The following SCN8A variants were observed in gnomAD, a reference collection of about 807,000 sequenced individuals.
SCN8A encodes sodium channel protein type 8 subunit alpha.
A neutral mutation model predicts 184.1 loss-of-function variants in SCN8A; 30 were observed. The observed-to-expected ratio is 0.16, with a 90% CI of 0.12 to 0.22. SCN8A has a LOEUF of 0.22. SCN8A is among the 10% of genes least tolerant of loss of function. The pLI, the probability that SCN8A is intolerant of heterozygous loss-of-function variation, is 1.00. For missense variants in SCN8A, 1,057 were observed against 2,498.9 expected (o/e 0.42, Z 12.30); for synonymous variants, 852 against 907.0 (o/e 0.94, Z 1.09).
intron 7 of SCN8A, among the ~76,000 whole-genome samples, chr12:51,700,020 G>T (rs1387100552): frequency 6.6e-6 from 1 of 152,050 alleles, no homozygotes; most frequent in Non-Finnish European, 1.5e-5. Context: ...TACAAAATTA[G>T]CCAGGCGTGG....
chr12:51,620,096 ACC>A (rs1202101312), intron 1 of SCN8A, among the ~76,000 whole-genome samples: 1 of 152,300 alleles, frequency 6.6e-6, no homozygotes, highest in East Asian at 1.9e-4. Flanking sequence ...TATTATGGAG[ACC>A]AAAGAGTTGT....
intron 1 of SCN8A, among the ~76,000 whole-genome samples, chr12:51,635,361 T>A (rs1940292110): frequency 6.6e-6 from 1 of 152,222 alleles, no homozygotes. Flanking sequence ...CTATCTCTGC[T>A]GGAGTTTAAG....
chr12:51,812,212 GGT>G lies in SCN8A; in HGVS notation c.*4801_*4802del, dbSNP rs371717199. 1.4e-4 allele frequency: 21 copies of G among 150,698 alleles called. No homozygotes were observed. Among genetic ancestry groups the G allele is most frequent in the East Asian group, 5.8e-4 (3 of 5,132 alleles). 9.3% of individuals were successfully genotyped at this position (150,698 alleles called of 1,614,324 possible). A position where few individuals can be genotyped will look rare whatever the true frequency, so the allele number is the denominator to read the frequency against. On this transcript the variant is annotated 3_prime_UTR_variant, in exon 27 of 27. Transcript: ENST00000627620. Reference sequence around the variant, plus strand: ...GTGGGGTGGGTGGGTGTGCACATGTGGTGTGTGTGTGTGTGTGTGAAGAATGT... The same window carrying G: ...GTGGGGTGGGTGGGTGTGCACATGTGGTGTGTGTGTGTGTGTGAAGAATGT...
intron 1 of SCN8A, among the ~76,000 whole-genome samples, chr12:51,599,935 C>A (rs1236618013): frequency 2.6e-5 from 4 of 152,176 alleles, no homozygotes; most frequent in Admixed American, 6.5e-5. Flanking sequence ...GATTATTTTA[C>A]TGTTTTAAAG....
Position 51,810,992 on chromosome 12 carries a change from T to C in SCN8A, c.*3563T>C, listed in dbSNP as rs1397663997. 1 of 152,216 alleles carries C rather than the reference T, an allele frequency of 6.6e-6. No homozygotes were observed. Among genetic ancestry groups the C allele is most frequent in the Non-Finnish European group, 1.5e-5 (1 of 68,038 alleles). 9.4% of individuals were successfully genotyped at this position (152,216 alleles called of 1,614,324 possible). ...GTAAAAGACCAACAGTGAAGATTAGTGTATTAGTGAATGCATGGAGGCCAA... is the reference window on the plus strand; with the variant it reads ...GTAAAAGACCAACAGTGAAGATTAGCGTATTAGTGAATGCATGGAGGCCAA... On this transcript the variant is annotated 3_prime_UTR_variant, in exon 27 of 27. Transcript: ENST00000627620.
chr12:51,781,939 C>G (rs1937936416), intron 21 of SCN8A, among the ~76,000 whole-genome samples: 1 of 152,200 alleles, frequency 6.6e-6, no homozygotes, highest in South Asian at 2.1e-4. Context: ...GACAGTGCTG[C>G]TACGTTCATT....
chr12:51,594,394 A>G (rs1013095014), intron 1 of SCN8A, among the ~76,000 whole-genome samples: 2 of 152,224 alleles, frequency 1.3e-5, no homozygotes, highest in African/African-American at 4.8e-5. Context: ...AGAACATACA[A>G]GAAACTTGCA....
At chr12:51,618,458 AACACAC>A (rs56163627) in intron 1 of SCN8A, among the ~76,000 whole-genome samples, 5,952 of 138,850 alleles carry the variant, frequency 0.043, 224 homozygotes, top group East Asian at 0.15. Flanking sequence ...ATACCAGAGC[AACACAC>A]ACACACACAC....
chr12:51,666,353 C>T (rs534702304), intron 2 of SCN8A, among the ~76,000 whole-genome samples: 8 of 152,204 alleles, frequency 5.3e-5, no homozygotes, highest in East Asian at 1.9e-4. Flanking sequence ...TTTTTGCACC[C>T]GCTGTTATAC....
chr12:51,643,205 A>T lies in SCN8A; in HGVS notation c.-54-19559A>T, dbSNP rs1399190336. ...CTTCTTTGGAGTAGGAAAGAACTTG[A>T]TCTTAGTCATTGTCAAAGATGTCAT... On this transcript the variant is annotated intron_variant, in intron 1 of 26. Coordinates refer to ENST00000627620, the MANE Select transcript of SCN8A (RefSeq NM_001330260.2). Among the ~76,000 whole-genome samples, 4 of 152,256 alleles carry T rather than the reference A, an allele frequency of 2.6e-5. No homozygotes were observed. The South Asian group carries it at 8.3e-4, about 32-fold the overall frequency.
At chr12:51,608,081 C>T (rs1184693418) in intron 1 of SCN8A, among the ~76,000 whole-genome samples, 12 of 145,334 alleles carry the variant, frequency 8.3e-5, no homozygotes, top group Non-Finnish European at 1.2e-4. Context: ...AGTGCAGTGG[C>T]GTGATCTCGG....
chr12:51,739,389 C>T (rs866822361), intron 12 of SCN8A, among the ~76,000 whole-genome samples: 11 of 151,906 alleles, frequency 7.2e-5, no homozygotes, highest in African/African-American at 2.4e-4. Flanking sequence ...CAATGTCCTC[C>T]GGAAAAGAAA....
At chr12:51,783,674 T>C (rs1253763223) in intron 21 of SCN8A, among the ~76,000 whole-genome samples, 1 of 152,242 alleles carries the variant, frequency 6.6e-6, no homozygotes, top group Non-Finnish European at 1.5e-5. Context: ...ATAATATTAG[T>C]GCCATGAAAC....
At chr12:51,614,799 T>TTTTTTTTTTTTTTA (rs398019573) in intron 1 of SCN8A, among the ~76,000 whole-genome samples, 1 of 151,492 alleles carries the variant, frequency 6.6e-6, no homozygotes, top group African/African-American at 2.4e-5. Context: ...TTTTTTTTTT[T>TTTTTTTTTTTTTTA]AAATCCATTC....
chr12:51,646,673 T>C (rs1398698181), intron 1 of SCN8A, among the ~76,000 whole-genome samples: 1 of 152,106 alleles, frequency 6.6e-6, no homozygotes, highest in Non-Finnish European at 1.5e-5. Context: ...TGAGAATAGG[T>C]GTGGAGGCAA....
chr12:51,752,923 TTTTG>T (rs1296244736), intron 14 of SCN8A, among the ~76,000 whole-genome samples: 5 of 152,112 alleles, frequency 3.3e-5, no homozygotes, highest in Non-Finnish European at 5.9e-5. Flanking sequence ...CCCTGTAGAG[TTTTG>T]TTTTTCTCAA....
At chr12:51,741,650 A>C (rs1942425561) in intron 12 of SCN8A, among the ~76,000 whole-genome samples, 1 of 151,964 alleles carries the variant, frequency 6.6e-6, no homozygotes, top group African/African-American at 2.4e-5. Flanking sequence ...TTTCAATTCG[A>C]GGCTACCATG....
intron 21 of SCN8A, among the ~76,000 whole-genome samples, chr12:51,781,708 A>G (rs1251510905): frequency 9.1e-6 from 1 of 109,806 alleles, no homozygotes; most frequent in East Asian, 2.5e-4. Context: ...CAAAGGGGCA[A>G]CTGGCTTTGG....
Position 51,790,511 on chromosome 12 carries a change from A to G in SCN8A, c.4524+9A>G, listed in dbSNP as rs1938217961. ...CTATTCCCCGCCCCTTGGTAAGTGC[A>G]TTGTGCAGGCTGAGGCCTTGGTGAG... On this transcript the variant is annotated intron_variant, in intron 25 of 26. Coordinates refer to ENST00000627620, the MANE Select transcript of SCN8A (RefSeq NM_001330260.2). The G allele has an allele frequency of 6.3e-7, 1 of 1,582,246 alleles. No individual in the cohort carries two copies. Among genetic ancestry groups the G allele is most frequent in the African/African-American group, 1.3e-5 (1 of 74,326 alleles).
Sources: gnomAD v4.1 joint callset for allele counts (sites outside exome capture counted in the v4.1 genomes callset) on GRCh38, gnomAD v4.1.1 for gene constraint, MANE v1.5 for transcripts, NCBI Gene and HGNC (gene_info 2026-07-23, HGNC 2026-07-21) for gene names.